The following GOLGA8B variants were observed in gnomAD, a reference collection of about 807,000 sequenced individuals.
The protein encoded by GOLGA8B is golgin A8 family member B.
GOLGA8B carries 1 observed loss-of-function variant against 15.6 expected under a neutral mutation model. The ratio of observed to expected loss-of-function variants is 0.06; its 90% CI spans 0.02 to 0.30. GOLGA8B has a LOEUF of 0.30. Ranked by LOEUF, GOLGA8B falls within the 10% of genes least tolerant of loss-of-function variation. The pLI, the probability that GOLGA8B is intolerant of heterozygous loss-of-function variation, is 1.00. For synonymous variants in GOLGA8B, 9 were observed against 80.3 expected, an observed-to-expected ratio of 0.11 and a Z score of 4.75; for missense variants, 17 against 201.3, an observed-to-expected ratio of 0.08 and a Z score of 5.54.
At chr15:34,559,944 G>A (rs1273936880) in intron 1 of GOLGA8B, among the ~76,000 whole-genome samples, 1 of 149,816 alleles carries the variant, frequency 6.7e-6, no homozygotes, top group Non-Finnish European at 1.5e-5. Flanking sequence ...CCTGGCGTGT[G>A]TGGTCGTGGG....
Position 34,556,860 on chromosome 15 carries a change from G to C in GOLGA8B, c.-1122-2904C>G, listed in dbSNP as rs1051909034. 2.2e-5 allele frequency: 16 copies of C among 731,344 alleles called. 1 individual carries two copies. In the African/African-American group the frequency reaches 2.9e-4, roughly 13 times the overall value. 45.3% of individuals were successfully genotyped at this position (731,344 alleles called of 1,614,324 possible). ...CGGGGAAGGGAGCAGAGGGGCCCTA[G>C]AGCAAGGGACCTCAGGGTACAGGCC... On this transcript the variant is annotated intron_variant, in intron 1 of 23. Transcript: ENST00000683415.
Position 34,557,674 on chromosome 15 carries a change from G to GTGTC in GOLGA8B, c.-1122-3719_-1122-3718insGACA, listed in dbSNP as rs1350851701. Reference sequence around the variant, plus strand: ...TGTGTGTGTGTGTGTGTGTGTGTGTGTGTGTGTGTCTGTGTACTGAGAGCT... The same window carrying GTGTC: ...TGTGTGTGTGTGTGTGTGTGTGTGTGTGTCTGTGTGTGTCTGTGTACTGAGAGCT... On this transcript the variant is annotated intron_variant, in intron 1 of 23. Transcript: ENST00000683415. 2.6e-4 allele frequency among the ~76,000 whole-genome samples: 28 copies of GTGTC among 108,794 alleles called. 1 individual carries two copies. The highest frequency in any genetic ancestry group is 3.9e-4 in the Non-Finnish European group (20 of 50,870). 71.4% of individuals were successfully genotyped at this position (108,794 alleles called of 152,430 possible). A position where few individuals can be genotyped will look rare whatever the true frequency, so the allele number is the denominator to read the frequency against.
intron 1 of GOLGA8B, among the ~76,000 whole-genome samples, chr15:34,579,553 C>A (rs1889173917): frequency 6.6e-6 from 1 of 152,190 alleles, no homozygotes; most frequent in South Asian, 2.1e-4. Context: ...TAAGAAAGCT[C>A]ATTCTTTGGG....
intron 1 of GOLGA8B, among the ~76,000 whole-genome samples, chr15:34,557,050 G>A (rs1888508587): frequency 7.4e-6 from 1 of 134,752 alleles, no homozygotes; most frequent in East Asian, 2.0e-4. Flanking sequence ...GGGCTGAGGG[G>A]CAACTCGTGT....
In GOLGA8B at chr15:34,579,942, G is replaced by A. The variant is rs184698317; in HGVS notation, c.-1123+3574C>T. 2.3e-3 allele frequency among the ~76,000 whole-genome samples: 354 copies of A among 152,312 alleles called. 1 individual carries two copies. The highest frequency in any genetic ancestry group is 3.7e-3 in the Non-Finnish European group (254 of 68,038). ...ACATAAATAACACACTGAATGTTGA[G>A]TACTAAGGAGAAACACAAAGCAAGG... On this transcript the variant is annotated intron_variant, in intron 1 of 23. Coordinates refer to ENST00000683415, the MANE Select transcript of GOLGA8B (RefSeq NM_001023567.5).
chr15:34,532,704 C>CCCG (rs1347559853), intron 11 of GOLGA8B, 142 bp downstream of exon 11: 1 of 479,784 alleles, frequency 2.1e-6, no homozygotes, highest in Non-Finnish European at 3.9e-6. Flanking sequence ...GCTCTGGGGT[C>CCCG]CCGCCAGGTG....
At chr15:34,579,265 G>T (rs1889165413) in intron 1 of GOLGA8B, among the ~76,000 whole-genome samples, 1 of 151,912 alleles carries the variant, frequency 6.6e-6, no homozygotes, top group Admixed American at 6.6e-5. Flanking sequence ...AACCAGGCCA[G>T]GACACACGCA....
At chr15:34,570,748 A>C (rs1483966557) in intron 1 of GOLGA8B, among the ~76,000 whole-genome samples, 1 of 112,262 alleles carries the variant, frequency 8.9e-6, no homozygotes, top group Non-Finnish European at 2.0e-5. Context: ...AAAAGGCAAC[A>C]ACTTTTCTAC....
intron 1 of GOLGA8B, among the ~76,000 whole-genome samples, chr15:34,575,242 C>T (rs188792145): frequency 1.3e-5 from 2 of 152,134 alleles, no homozygotes; most frequent in Non-Finnish European, 2.9e-5. Context: ...GTGCCTCGGC[C>T]AGACACCTGC....
chr15:34,564,471 G>A (rs1310754297), intron 1 of GOLGA8B, among the ~76,000 whole-genome samples: 42 of 147,978 alleles, frequency 2.8e-4, no homozygotes, highest in African/African-American at 9.8e-4. Flanking sequence ...CTGAGTTTTG[G>A]AGGGAACACA....
At chr15:34,577,050 C>T (rs1889103432) in intron 1 of GOLGA8B, among the ~76,000 whole-genome samples, 1 of 150,400 alleles carries the variant, frequency 6.6e-6, no homozygotes, top group Non-Finnish European at 1.5e-5. Context: ...TGACGCTCTA[C>T]AGCTGGCTCA....
chr15:34,583,313 G>C (rs1046989333), intron 1 of GOLGA8B, among the ~76,000 whole-genome samples: 1 of 152,072 alleles, frequency 6.6e-6, no homozygotes, highest in African/African-American at 2.4e-5. Flanking sequence ...GGGCCGGTCC[G>C]AGAGGCGTAG....
At chr15:34,573,910 G>C (rs1244894032) in intron 1 of GOLGA8B, among the ~76,000 whole-genome samples, 1 of 151,208 alleles carries the variant, frequency 6.6e-6, no homozygotes, top group Non-Finnish European at 1.5e-5. Flanking sequence ...GGTGGTTGAG[G>C]AACTGGGGGA....
intron 1 of GOLGA8B, among the ~76,000 whole-genome samples, chr15:34,583,163 G>A (rs1169652686): frequency 6.6e-6 from 1 of 151,968 alleles, no homozygotes; most frequent in African/African-American, 2.4e-5. Context: ...CCAGCCCAGC[G>A]AGATCCGAGC....
chr15:34,560,209 T>C (rs201359942), intron 1 of GOLGA8B, among the ~76,000 whole-genome samples: 11,943 of 145,924 alleles, frequency 0.082, 762 homozygotes, highest in South Asian at 0.21. Flanking sequence ...TTAAATCCAC[T>C]ATCAAATAAC....
chr15:34,575,181 C>T (rs1029117376), intron 1 of GOLGA8B, among the ~76,000 whole-genome samples: 1 of 152,102 alleles, frequency 6.6e-6, no homozygotes, highest in Non-Finnish European at 1.5e-5. Context: ...CTGCCACCTC[C>T]TATAGAACCC....
chr15:34,574,012 C>G (rs1888997121), intron 1 of GOLGA8B, among the ~76,000 whole-genome samples: 1 of 151,958 alleles, frequency 6.6e-6, no homozygotes, highest in African/African-American at 2.4e-5. Context: ...GGCTCTACTC[C>G]CCAGCCCATC....
chr15:34,559,570 C>T (rs1388974464), intron 1 of GOLGA8B, among the ~76,000 whole-genome samples: 2 of 78,604 alleles, frequency 2.5e-5, no homozygotes, highest in South Asian at 5.6e-4. Context: ...TAGCACTTCA[C>T]GTGGTGAGAA....
At chr15:34,567,019 C>T (rs1167287960) in intron 1 of GOLGA8B, among the ~76,000 whole-genome samples, 1 of 117,138 alleles carries the variant, frequency 8.5e-6, no homozygotes, top group African/African-American at 3.4e-5. Context: ...CTCAGGTGCC[C>T]ATTCATTTTA....
Sources: allele counts gnomAD v4.1 joint callset (sites outside exome capture counted in the v4.1 genomes callset), GRCh38; gene constraint gnomAD v4.1.1; transcripts MANE v1.5; gene names NCBI Gene and HGNC (gene_info 2026-07-23, HGNC 2026-07-21).